The following CLUAP1 variants were observed in gnomAD, a reference collection of about 807,000 sequenced individuals.
The protein encoded by CLUAP1 is clusterin-associated protein 1.
CLUAP1 carries 50 observed loss-of-function variants against 55.0 expected under a neutral mutation model. The ratio of observed to expected loss-of-function variants is 0.91; its 90% confidence interval spans 0.72 to 1.15. The LOEUF (loss-of-function observed/expected upper bound fraction) is 1.15. Among genes scored for constraint, CLUAP1 ranks in the 50% most tolerant of loss-of-function variants. The probability of loss-of-function intolerance (pLI) is 0.00; values close to 1 mark genes in which losing one functional copy is unlikely to be tolerated. For missense variants in CLUAP1, 530 were observed against 507.6 expected (o/e 1.04, Z -0.42); for synonymous variants, 195 against 175.4 (o/e 1.11, Z -0.88).
At chr16:3,524,934 A>C (rs961078448) in intron 8 of CLUAP1, among the ~76,000 whole-genome samples, 5 of 152,194 alleles carry the variant, frequency 3.3e-5, no homozygotes, top group Non-Finnish European at 4.4e-5. Context: ...TCATGATGAA[A>C]TTGGTCTGCA....
At chr16:3,509,791 T>C (rs1017909227) in intron 4 of CLUAP1, 2 of 152,024 alleles carry the variant, frequency 1.3e-5, no homozygotes, top group Admixed American at 6.5e-5. Flanking sequence ...TCATGGTCTA[T>C]AGTTGGGCTT....
At chr16:3,506,300 C>A (rs1255765620) in intron 2 of CLUAP1, 31 bp from the exon 3 acceptor site, 2 of 1,563,396 alleles carry the variant, frequency 1.3e-6, no homozygotes, top group South Asian at 1.1e-5. Context: ...CTTGGTTAAC[C>A]CGTGCTCTCT....
At chr16:3,528,427 G>C (rs2037990731) in intron 9 of CLUAP1, among the ~76,000 whole-genome samples, 1 of 152,072 alleles carries the variant, frequency 6.6e-6, no homozygotes, top group South Asian at 2.1e-4. Context: ...GGAAGGATAG[G>C]GACTGCTGGG....
upstream of CLUAP1, chr16:3,500,939 C>G (rs750856350): frequency 1.4e-5 from 14 of 1,029,324 alleles, no homozygotes; most frequent in African/African-American, 1.6e-5. Context: ...CTTCGCTTCG[C>G]TTTTTGTTTG....
At chr16:3,529,460 A>AT (rs1303481696) in intron 9 of CLUAP1, among the ~76,000 whole-genome samples, 1 of 80,434 alleles carries the variant, frequency 1.2e-5, no homozygotes, top group Non-Finnish European at 2.2e-5. Flanking sequence ...ATTATTATAT[A>AT]TAATATATAT....
At chr16:3,495,585 A>G in the CLUAP1 span, 4 of 1,423,158 alleles carry the variant, frequency 2.8e-6, no homozygotes, top group African/African-American at 2.9e-5. Flanking sequence ...GGGAGAGGAC[A>G]GTGCCCAAGG....
intron 9 of CLUAP1, among the ~76,000 whole-genome samples, chr16:3,529,470 TTATATTA>T: frequency 1.4e-5 from 1 of 72,164 alleles, no homozygotes; most frequent in Non-Finnish European, 2.5e-5. Context: ...ATAATATATA[TTATATTA>T]TATATTATAT....
intron 2 of CLUAP1, among the ~76,000 whole-genome samples, chr16:3,505,374 CA>C (rs1278416177): frequency 4.6e-5 from 7 of 151,608 alleles, no homozygotes; most frequent in African/African-American, 1.7e-4. Context: ...ATTAAAAACA[CA>C]AAAAATTAGC....
chr16:3,538,682 T>A lies in CLUAP1; in HGVS notation c.*2411T>A, dbSNP rs1326735739. 1 of 152,254 alleles carries A rather than the reference T, an allele frequency of 6.6e-6. No homozygotes were observed. The allele number at this position is 152,254 out of a possible 1,614,324, so 9.4% of individuals were successfully genotyped here. A position where few individuals can be genotyped will look rare whatever the true frequency, so the allele number is the denominator to read the frequency against. ...TGTCACCTGCTTCTAGATCATCTGT[T>A]AGTTAACTGACTTTGTGCAAGGTCT... On this transcript the variant is annotated 3_prime_UTR_variant, in exon 12 of 12. Coordinates refer to ENST00000576634, the MANE Select transcript of CLUAP1 (RefSeq NM_015041.3).
intron 11 of CLUAP1, chr16:3,535,879 G>T: frequency 2.0e-6 from 1 of 505,844 alleles, no homozygotes; most frequent in South Asian, 2.5e-5. Context: ...GGGAAAGCCA[G>T]CCCCTGCAGC....
intron 2 of CLUAP1, 76 bp from the exon 3 acceptor site, chr16:3,506,255 C>T: frequency 8.4e-7 from 1 of 1,186,030 alleles, no homozygotes; most frequent in Non-Finnish European, 1.3e-6. Flanking sequence ...CCGCTGTCCT[C>T]TCAGTTGCCC....
Position 3,512,466 on chromosome 16 carries a change from A to G in CLUAP1, c.483A>G (p.Glu161=). ...GASLYDLLGM[E]VELREMRTEA... is the part of the protein sequence containing the mutation. The stretch of plus-strand genomic sequence containing the variant: ...CTCTGTATGACTTGCTCGGCATGGA[A>G]GTAGAGTTGAGGGTAAGCATTCCAG... Residue 161 remains glutamate (E), a synonymous_variant, in exon 5 of 12, where the codon GAA becomes GAG. Transcript: ENST00000576634. 2 of 1,613,342 alleles carry G rather than the reference A, an allele frequency of 1.2e-6. No individual in the cohort carries two copies. Among genetic ancestry groups the G allele is most frequent in the South Asian group, 1.1e-5 (1 of 91,066 alleles).
chr16:3,513,679 A>C (rs2037677925), intron 5 of CLUAP1, among the ~76,000 whole-genome samples: 1 of 152,120 alleles, frequency 6.6e-6, no homozygotes. Context: ...CAAACTCCTG[A>C]TCTCAAGTGA....
upstream of CLUAP1, chr16:3,496,607 G>A (rs79734465): frequency 3.4e-3 from 1,784 of 531,256 alleles, 26 homozygotes; most frequent in African/African-American, 0.031. Flanking sequence ...CAAGGACGGC[G>A]GCCCCGTCCT....
rs950953092 is a variant in CLUAP1 at position 3,506,247 on chromosome 16, G to A, written c.135-84G>A. 18 of 1,095,516 alleles carry A rather than the reference G, an allele frequency of 1.6e-5. No homozygotes were observed. In the African/African-American group the frequency reaches 2.3e-4, roughly 14 times the overall value. The allele number at this position is 1,095,516 out of a possible 1,614,324, so 67.9% of individuals were successfully genotyped here. ...TTGGAGAGCGTTGTGTTCCAGACCC[G>A]CTGTCCTCTCAGTTGCCCACATTCT... On this transcript the variant is annotated intron_variant, in intron 2 of 11. Coordinates refer to ENST00000576634, the MANE Select transcript of CLUAP1 (RefSeq NM_015041.3).
At position 3,506,401 on chromosome 16, in the gene CLUAP1, A is replaced by T. The variant is rs1384964918; in HGVS notation, c.205A>T (p.Ile69Phe). 1.2e-6 allele frequency: 2 copies of T among 1,613,484 alleles called. No individual in the cohort carries two copies. The highest frequency in any genetic ancestry group is 1.3e-5 in the African/African-American group (1 of 74,902). Residue 69 changes from isoleucine (I) to phenylalanine (F), a missense_variant, in exon 3 of 12, where the codon ATT (isoleucine) becomes TTT (phenylalanine). Ile to Phe is a conservative substitution (Grantham distance 21). Coordinates refer to ENST00000576634, the MANE Select transcript of CLUAP1 (RefSeq NM_015041.3). Reference sequence around the variant, plus strand: ...GGACCGAGTTTTCTTCATTAAGGCAATTGCCCAGTTCATGGTTAGTGGACA... The same window carrying T: ...GGACCGAGTTTTCTTCATTAAGGCATTTGCCCAGTTCATGGTTAGTGGACA... ...EQDRVFFIKA[I>F]AQFMATKAHI...
chr16:3,501,171 A>T, intron 1 of CLUAP1, 82 bp downstream of exon 1: 1 of 1,398,916 alleles, frequency 7.1e-7, no homozygotes. Context: ...TGTGTAGGCG[A>T]TCCCTGAGGC....
At chr16:3,511,028 C>T (rs2037615276) in intron 4 of CLUAP1, among the ~76,000 whole-genome samples, 1 of 152,182 alleles carries the variant, frequency 6.6e-6, no homozygotes, top group Non-Finnish European at 1.5e-5. Context: ...GAATGAAACT[C>T]TGACTCGCTC....
upstream of CLUAP1, among the ~76,000 whole-genome samples, chr16:3,498,752 T>C (rs948586612): frequency 9.8e-4 from 149 of 152,022 alleles, 1 homozygote; most frequent in Non-Finnish European, 5.9e-5. Context: ...CCCAGCTACT[T>C]GGGAGGCCGA....
Sources: gnomAD v4.1 joint callset for allele counts (sites outside exome capture counted in the v4.1 genomes callset) on GRCh38, gnomAD v4.1.1 for gene constraint, MANE v1.5 for transcripts, NCBI Gene and HGNC (gene_info 2026-07-23, HGNC 2026-07-21) for gene names.